Variants in CCDC6 observed in about 807,000 individuals in gnomAD.
The protein encoded by CCDC6 is coiled-coil domain-containing protein 6.
CCDC6 carries 20 observed loss-of-function variants against 56.6 expected under a neutral mutation model. That is an observed-to-expected ratio of 0.35 (90% confidence interval 0.25 to 0.51). CCDC6 has a LOEUF of 0.51. CCDC6 is among the 20% of genes least tolerant of loss of function. The pLI is 0.95. For synonymous variants in CCDC6, 241 were observed against 234.4 expected, an observed-to-expected ratio of 1.03 and a Z score of -0.26; for missense variants, 367 against 601.1, an observed-to-expected ratio of 0.61 and a Z score of 4.07.
At position 59,790,262 on chromosome 10, in the gene CCDC6, C is replaced by T. The variant is rs1458694262; in HGVS notation, c.*2655G>A. 2 of 218,650 alleles carry T rather than the reference C, an allele frequency of 9.1e-6. No individual in the cohort carries two copies. 13.5% of individuals were successfully genotyped at this position (218,650 alleles called of 1,614,324 possible). A position where few individuals can be genotyped will look rare whatever the true frequency, so the allele number is the denominator to read the frequency against. On this transcript the variant is annotated 3_prime_UTR_variant, in exon 9 of 9. Coordinates refer to ENST00000263102, the MANE Select transcript of CCDC6 (RefSeq NM_005436.5). ...CTGTCTGCAAGACAGGAAAATGAAG[C>T]TACTGAAGCCCCTGTTGCTCCCACC...
intron 1 of CCDC6, among the ~76,000 whole-genome samples, chr10:59,863,698 T>C (rs1017745444): frequency 8.5e-5 from 13 of 152,320 alleles, no homozygotes; most frequent in African/African-American, 3.1e-4. Flanking sequence ...AATAAAGCTG[T>C]TTTTTAAAAA....
rs1030293795 is a variant in CCDC6, at chr10:59,873,228, G to A, written c.304-20526C>T. ...TTCCTAACCCCACATACTTGTGAAT[G>A]TGACCTTATTTGGAAATAGGTTCTT... On this transcript the variant is annotated intron_variant, in intron 1 of 8. Transcript: ENST00000263102. 2.4e-4 allele frequency among the ~76,000 whole-genome samples: 36 copies of A among 152,276 alleles called. 1 individual carries two copies. Among genetic ancestry groups the A allele is most frequent in the South Asian group, 2.1e-4 (1 of 4,812 alleles).
chr10:59,833,657 T>G (rs61848698), intron 2 of CCDC6, among the ~76,000 whole-genome samples: 5 of 121,242 alleles, frequency 4.1e-5, no homozygotes, highest in Non-Finnish European at 5.4e-5. Context: ...GGGGGGGGTT[T>G]GTTGATCCAC....
intron 3 of CCDC6, among the ~76,000 whole-genome samples, chr10:59,831,005 CTT>C (rs1305389125): frequency 1.3e-5 from 2 of 152,218 alleles, no homozygotes; most frequent in African/African-American, 4.8e-5. Context: ...TTGGTTAACT[CTT>C]GATTAACAAG....
At chr10:59,872,086 C>T (rs2071234555) in intron 1 of CCDC6, among the ~76,000 whole-genome samples, 2 of 152,214 alleles carry the variant, frequency 1.3e-5, no homozygotes, top group African/African-American at 4.8e-5. Flanking sequence ...GTTCACATTA[C>T]ACGCACACTG....
chr10:59,882,404 C>CGGGG lies in CCDC6; in HGVS notation c.303+23717_303+23718insCCCC, dbSNP rs2071347086. ...GCCGCGGGGAGAAGGAAAGGAAAGCCAGGGGGAGAAGGAAAGGAAAGCCAG... is the reference window on the plus strand; with the variant it reads ...GCCGCGGGGAGAAGGAAAGGAAAGCCGGGGAGGGGGAGAAGGAAAGGAAAGCCAG... On this transcript the variant is annotated intron_variant, in intron 1 of 8. Transcript: ENST00000263102. Among the ~76,000 whole-genome samples, 3 of 1,472 alleles carry CGGGG rather than the reference C, an allele frequency of 2.0e-3. 1 individual carries two copies. The highest frequency in any genetic ancestry group is 3.7e-3 in the Non-Finnish European group (3 of 804). The allele number at this position is 1,472 out of a possible 152,430, so 1.0% of individuals were successfully genotyped here.
At chr10:59,832,776 CA>C (rs2070845224) in intron 2 of CCDC6, 123 bp from the exon 3 acceptor site, 1 of 990,754 alleles carries the variant, frequency 1.0e-6, no homozygotes, top group Non-Finnish European at 1.5e-6. Flanking sequence ...CATTTTTGCT[CA>C]AATGTGCAAG....
chr10:59,796,966 A>T (rs10821599), intron 7 of CCDC6, among the ~76,000 whole-genome samples: 1 of 146,074 alleles, frequency 6.8e-6, no homozygotes, highest in Non-Finnish European at 1.5e-5. Flanking sequence ...GCCAGATTCC[A>T]TCTCAAAAAA....
intron 1 of CCDC6, among the ~76,000 whole-genome samples, chr10:59,896,286 T>C (rs2456712): frequency 0.65 from 99,261 of 152,010 alleles, 32,730 homozygotes; most frequent in East Asian, 0.86. Flanking sequence ...TGTGAAGTGT[T>C]GGGGGTAAGA....
At chr10:59,891,709 C>T (rs918487674) in intron 1 of CCDC6, among the ~76,000 whole-genome samples, 5 of 152,152 alleles carry the variant, frequency 3.3e-5, no homozygotes, top group African/African-American at 1.2e-4. Context: ...TGGCTAGAGG[C>T]CCCACAACTC....
At chr10:59,872,362 G>A (rs186156776) in intron 1 of CCDC6, among the ~76,000 whole-genome samples, 5 of 152,312 alleles carry the variant, frequency 3.3e-5, no homozygotes, top group Admixed American at 2.6e-4. Flanking sequence ...AAGATACGGA[G>A]ACTTAAGCAA....
At chr10:59,873,001 G>A (rs757352944) in intron 1 of CCDC6, among the ~76,000 whole-genome samples, 65 of 152,294 alleles carry the variant, frequency 4.3e-4, no homozygotes, top group Non-Finnish European at 8.5e-4. Context: ...TGGCAAGCCT[G>A]ATCTGAATTG....
intron 1 of CCDC6, among the ~76,000 whole-genome samples, chr10:59,867,669 T>G (rs2071188901): frequency 6.6e-6 from 1 of 152,144 alleles, no homozygotes; most frequent in Non-Finnish European, 1.5e-5. Flanking sequence ...TTTTCCCACC[T>G]CCGCCTCCGG....
chr10:59,871,770 T>C (rs1769766909), intron 1 of CCDC6, among the ~76,000 whole-genome samples: 1 of 152,128 alleles, frequency 6.6e-6, no homozygotes, highest in Non-Finnish European at 1.5e-5. Flanking sequence ...GCACACATCC[T>C]GCCTTGTGAG....
intron 2 of CCDC6, among the ~76,000 whole-genome samples, chr10:59,842,798 G>A (rs965444578): frequency 2.1e-5 from 3 of 145,866 alleles, no homozygotes; most frequent in Non-Finnish European, 4.5e-5. Flanking sequence ...CTGTCACCCA[G>A]GCTGGAGTGC....
At chr10:59,830,824 T>G (rs538064570) in intron 3 of CCDC6, among the ~76,000 whole-genome samples, 1 of 152,222 alleles carries the variant, frequency 6.6e-6, no homozygotes, top group Non-Finnish European at 1.5e-5. Flanking sequence ...CTTGTGGCCA[T>G]AGCTAAACCC....
chr10:59,827,244 TTAGTC>T (rs1337726929), intron 3 of CCDC6, among the ~76,000 whole-genome samples: 7 of 152,192 alleles, frequency 4.6e-5, no homozygotes, highest in African/African-American at 1.7e-4. Context: ...GATTTTGAAA[TTAGTC>T]TAGTCTTTTA....
At chr10:59,870,024 C>G (rs1461456979) in intron 1 of CCDC6, among the ~76,000 whole-genome samples, 3 of 152,192 alleles carry the variant, frequency 2.0e-5, no homozygotes, top group African/African-American at 7.2e-5. Flanking sequence ...GCCCTCACCA[C>G]CATTCACCAC....
intron 6 of CCDC6, chr10:59,805,664 G>A (rs1489530954): frequency 6.6e-6 from 1 of 152,142 alleles, no homozygotes; most frequent in African/African-American, 2.4e-5. Flanking sequence ...TAGATTTTAG[G>A]AAGAATGGGG....
Sources: allele counts gnomAD v4.1 joint callset (sites outside exome capture counted in the v4.1 genomes callset), GRCh38; gene constraint gnomAD v4.1.1; transcripts MANE v1.5; gene names NCBI Gene and HGNC (gene_info 2026-07-23, HGNC 2026-07-21).